Variants in PTPRM observed in about 807,000 individuals in gnomAD.
PTPRM encodes protein tyrosine phosphatase receptor type M, also known as receptor-type tyrosine-protein phosphatase mu.
In PTPRM, 47 loss-of-function variants were observed where a neutral mutation model predicts 186.7. That is an observed-to-expected ratio of 0.25 (90% CI 0.20 to 0.32). The LOEUF (loss-of-function observed/expected upper bound fraction) is 0.32, where lower values mean the gene tolerates loss of function less well. Among genes scored for constraint, PTPRM ranks in the 10% least tolerant of loss-of-function variants. PTPRM has a pLI of 1.00. For synonymous variants in PTPRM, 668 were observed against 674.9 expected (o/e 0.99, Z 0.16); for missense variants, 1,494 against 1,865.0 (o/e 0.80, Z 3.66).
At chr18:7,891,218 C>T (rs888455489) in intron 3 of PTPRM, among the ~76,000 whole-genome samples, 9 of 151,728 alleles carry the variant, frequency 5.9e-5, no homozygotes. Context: ...CCTGGGAGGT[C>T]GAGGCTTCAG....
At chr18:7,779,203 CT>C (rs1378035014) in intron 2 of PTPRM, among the ~76,000 whole-genome samples, 2 of 152,138 alleles carry the variant, frequency 1.3e-5, no homozygotes, top group African/African-American at 2.4e-5. Flanking sequence ...GTTTTCTTAC[CT>C]CTAGAAAGGC....
intron 11 of PTPRM, among the ~76,000 whole-genome samples, chr18:8,100,125 C>T (rs549881162): frequency 6.7e-6 from 1 of 150,310 alleles, no homozygotes; most frequent in East Asian, 1.9e-4. Flanking sequence ...GGAGATGCCA[C>T]ACACTTGTGT....
intron 2 of PTPRM, among the ~76,000 whole-genome samples, chr18:7,816,277 C>A (rs971872534): frequency 6.6e-6 from 1 of 152,176 alleles, no homozygotes; most frequent in Non-Finnish European, 1.5e-5. Context: ...TCTCAGAGTT[C>A]ATATGGCATA....
chr18:8,372,113 G>A (rs946511862), intron 24 of PTPRM, among the ~76,000 whole-genome samples: 12 of 118,718 alleles, frequency 1.0e-4, no homozygotes, highest in African/African-American at 3.1e-4. Flanking sequence ...CGCCCAGGCC[G>A]GACTGCGGAC....
intron 7 of PTPRM, among the ~76,000 whole-genome samples, chr18:8,021,544 G>C (rs954875567): frequency 1.3e-5 from 2 of 151,848 alleles, no homozygotes; most frequent in Non-Finnish European, 2.9e-5. Context: ...GAAAGGCCCT[G>C]GTGTGTGTTG....
rs775840989 is a variant in PTPRM, at chr18:7,949,292, C to T, written c.775C>T (p.Arg259Cys). Reference sequence around the variant, plus strand: ...CACCAAACGAGATGCTGGAAAGTACCGCTGCATGATTCGCACTGAAGGAGG... The same window carrying T: ...CACCAAACGAGATGCTGGAAAGTACTGCTGCATGATTCGCACTGAAGGAGG... ...NTTKRDAGKY[R>C]CMIRTEGGVG... The change falls in exon 6 of 33, where the codon CGC becomes TGC. Residue 259 changes from arginine (R) to cysteine (C), a missense_variant. Coordinates refer to ENST00000580170, the MANE Select transcript of PTPRM (RefSeq NM_001105244.2). 3.4e-5 allele frequency: 55 copies of T among 1,613,924 alleles called. No individual in the cohort carries two copies. Among genetic ancestry groups the T allele is most frequent in the Admixed American group, 1.2e-4 (7 of 60,000 alleles).
intron 1 of PTPRM, among the ~76,000 whole-genome samples, chr18:7,726,376 T>G (rs575772502): frequency 3.9e-5 from 6 of 152,324 alleles, no homozygotes; most frequent in Non-Finnish European, 8.8e-5. Flanking sequence ...TCTTTATAGA[T>G]TCTGGTTAAA....
intron 1 of PTPRM, among the ~76,000 whole-genome samples, chr18:7,707,954 T>C (rs1283560468): frequency 1.4e-4 from 21 of 152,236 alleles, no homozygotes; most frequent in Admixed American, 1.4e-3. Context: ...AAGTTGACAT[T>C]CTGTCTATTG....
At chr18:7,921,147 A>C (rs2050837007) in intron 4 of PTPRM, among the ~76,000 whole-genome samples, 1 of 152,006 alleles carries the variant, frequency 6.6e-6, no homozygotes, top group Admixed American at 6.6e-5. Flanking sequence ...TGTTTTGGAA[A>C]GTTTTCTGTA....
At chr18:7,871,859 C>T (rs977046228) in intron 2 of PTPRM, among the ~76,000 whole-genome samples, 24 of 152,136 alleles carry the variant, frequency 1.6e-4, no homozygotes, top group African/African-American at 5.8e-4. Context: ...GTGGTGCTTA[C>T]GACAGTGCCT....
At chr18:7,906,662 A>G in intron 4 of PTPRM, 79 bp downstream of exon 4, 1 of 1,197,618 alleles carries the variant, frequency 8.3e-7, no homozygotes, top group Admixed American at 1.7e-5. Flanking sequence ...AAGGGATGAA[A>G]ACCTGTGAAG....
intron 4 of PTPRM, among the ~76,000 whole-genome samples, chr18:7,925,408 G>A (rs2051113783): frequency 6.6e-6 from 1 of 152,124 alleles, no homozygotes; most frequent in South Asian, 2.1e-4. Context: ...GTGTGTTTTT[G>A]ACATTAAATT....
intron 1 of PTPRM, among the ~76,000 whole-genome samples, chr18:7,747,023 T>A (rs2041008507): frequency 6.6e-6 from 1 of 152,184 alleles, no homozygotes; most frequent in African/African-American, 2.4e-5. Flanking sequence ...AGCTTTTTCC[T>A]CCTTTTCCCA....
chr18:7,966,813 G>A (rs1395766123), intron 7 of PTPRM, among the ~76,000 whole-genome samples: 3 of 131,654 alleles, frequency 2.3e-5, no homozygotes, highest in African/African-American at 7.6e-5. Context: ...CTACGCCCAC[G>A]GAGTCTCGCT....
chr18:8,207,999 G>T (rs1206384911), intron 14 of PTPRM, among the ~76,000 whole-genome samples: 1 of 152,116 alleles, frequency 6.6e-6, no homozygotes, highest in Non-Finnish European at 1.5e-5. Context: ...TTTTAAAAAA[G>T]AAAACTTTAA....
chr18:7,858,704 A>G (rs1297038106), intron 2 of PTPRM, among the ~76,000 whole-genome samples: 1 of 152,214 alleles, frequency 6.6e-6, no homozygotes, highest in African/African-American at 2.4e-5. Context: ...TTTGGAGAGA[A>G]GTCTTGAAAT....
At chr18:7,809,532 A>G (rs1290924095) in intron 2 of PTPRM, among the ~76,000 whole-genome samples, 1 of 152,044 alleles carries the variant, frequency 6.6e-6, no homozygotes, top group African/African-American at 2.4e-5. Context: ...GACAGGGTGC[A>G]GGGGAGGGGA....
At chr18:7,776,708 T>A (rs1403052095) in intron 2 of PTPRM, among the ~76,000 whole-genome samples, 1 of 152,130 alleles carries the variant, frequency 6.6e-6, no homozygotes, top group African/African-American at 2.4e-5. Context: ...AAATGATATA[T>A]AATTAAGTGT....
At chr18:7,663,207 G>A (rs947126249) in intron 1 of PTPRM, among the ~76,000 whole-genome samples, 2 of 152,190 alleles carry the variant, frequency 1.3e-5, no homozygotes, top group Admixed American at 6.5e-5. Flanking sequence ...CACTCACTAA[G>A]CACACTGGCA....
Sources: allele counts gnomAD v4.1 joint callset (sites outside exome capture counted in the v4.1 genomes callset), GRCh38; gene constraint gnomAD v4.1.1; transcripts MANE v1.5; gene names NCBI Gene and HGNC (gene_info 2026-07-23, HGNC 2026-07-21).